RFC3: variants seen among roughly 807,000 people sequenced by gnomAD.
RFC3 encodes A1 38 kDa subunit.
Under a neutral mutation model 45.1 loss-of-function variants are expected in RFC3, and 41 were observed. That is an observed-to-expected ratio of 0.91 (90% CI 0.71 to 1.18). RFC3 has a LOEUF of 1.18. Among genes scored for constraint, RFC3 ranks in the 50% most tolerant of loss-of-function variants. The pLI is 0.00. For synonymous variants in RFC3, 149 were observed against 144.0 expected (o/e 1.03, Z -0.25); for missense variants, 423 against 428.1 (o/e 0.99, Z 0.10).
At chr13:33,840,820 G>C (rs2082192894), downstream of RFC3, among the ~76,000 whole-genome samples, 4 of 152,072 alleles carry the variant, frequency 2.6e-5, no homozygotes, top group South Asian at 8.3e-4. Flanking sequence ...AATATGTGTA[G>C]CTACTAGTCT....
chr13:33,881,626 C>T (rs1206945226), intron 8 of RFC3, among the ~76,000 whole-genome samples: 1 of 152,074 alleles, frequency 6.6e-6, no homozygotes, highest in East Asian at 1.9e-4. Flanking sequence ...GAGGGTCTAT[C>T]ATCATCAAGA....
chr13:33,902,174 T>C (rs1325600966), intron 8 of RFC3, among the ~76,000 whole-genome samples: 1 of 152,112 alleles, frequency 6.6e-6, no homozygotes, highest in Non-Finnish European at 1.5e-5. Flanking sequence ...TGGAGGCTGA[T>C]GGAATATGGT....
chr13:33,891,985 A>C (rs2082566813), intron 8 of RFC3, among the ~76,000 whole-genome samples: 1 of 152,170 alleles, frequency 6.6e-6, no homozygotes. Context: ...AGGAAAAAAA[A>C]CAGATTAGAT....
At chr13:33,893,945 G>C (rs1317153080) in intron 8 of RFC3, among the ~76,000 whole-genome samples, 1 of 152,040 alleles carries the variant, frequency 6.6e-6, no homozygotes, top group Non-Finnish European at 1.5e-5. Flanking sequence ...GCAAGGAGTA[G>C]AAAGGTTATT....
downstream of RFC3, among the ~76,000 whole-genome samples, chr13:33,969,993 ATG>A (rs975872352): frequency 4.0e-5 from 6 of 151,282 alleles, no homozygotes; most frequent in Non-Finnish European, 8.8e-5. Flanking sequence ...ATAGATAAAC[ATG>A]TGCCATGGTT....
intron 8 of RFC3, chr13:33,847,671 T>A (rs1315006580): frequency 1.3e-5 from 2 of 152,328 alleles, no homozygotes; most frequent in Middle Eastern, 3.4e-3. Context: ...TGTTTTCTGT[T>A]CATATTGCCT....
chr13:33,832,051 A>G (rs545601616), intron 7 of RFC3, among the ~76,000 whole-genome samples: 3 of 152,320 alleles, frequency 2.0e-5, no homozygotes, highest in East Asian at 3.9e-4. Context: ...CTGTAGGTCT[A>G]TTATTTGTAG....
intron 7 of RFC3, among the ~76,000 whole-genome samples, chr13:33,831,831 T>C (rs771558362): frequency 6.6e-6 from 1 of 152,200 alleles, no homozygotes; most frequent in Non-Finnish European, 1.5e-5. Context: ...AGTTTTATCT[T>C]CATTTGTATA....
chr13:33,908,757 T>G (rs9598278), intron 8 of RFC3, among the ~76,000 whole-genome samples: 1 of 151,950 alleles, frequency 6.6e-6, no homozygotes, highest in African/African-American at 2.4e-5. Flanking sequence ...AGATCCTGTT[T>G]AAGTCCAAAG....
rs531151611 is a variant in RFC3 at position 33,957,487 on chromosome 13, C to T, written c.880-8600C>T. Among the ~76,000 whole-genome samples the T allele has an allele frequency of 4.9e-4, 74 of 152,150 alleles. 1 individual carries two copies. Among genetic ancestry groups the T allele is most frequent in the African/African-American group, 1.8e-3 (73 of 41,512 alleles). ...AGCAGTGTGGTTGGTGTGCATTTTG[C>T]CCTGTTCCGTACCACTTATGACTAC... On this transcript the variant is annotated intron_variant, in intron 8 of 8. Transcript: ENST00000434425.
chr13:33,972,847 T>C, the RFC3 span, among the ~76,000 whole-genome samples: 1 of 152,338 alleles, frequency 6.6e-6, no homozygotes, highest in East Asian at 1.9e-4. Flanking sequence ...TATGACATTG[T>C]CGTAGGTACT....
chr13:33,823,105 T>C (rs1344498411), intron 2 of RFC3, among the ~76,000 whole-genome samples: 1 of 152,134 alleles, frequency 6.6e-6, no homozygotes, highest in Non-Finnish European at 1.5e-5. Flanking sequence ...TATTATATAC[T>C]CACCAAACTG....
intron 8 of RFC3, among the ~76,000 whole-genome samples, chr13:33,936,616 G>T (rs1723978782): frequency 6.6e-6 from 1 of 152,134 alleles, no homozygotes; most frequent in South Asian, 2.1e-4. Flanking sequence ...CTGGGGTGAT[G>T]CATCTGCAAG....
At chr13:33,879,589 A>C (rs1202680713) in intron 8 of RFC3, among the ~76,000 whole-genome samples, 2 of 152,228 alleles carry the variant, frequency 1.3e-5, no homozygotes, top group African/African-American at 4.8e-5. Context: ...ATACTTTTAC[A>C]ATCTACTTCC....
chr13:33,851,673 T>C (rs1022061728), intron 8 of RFC3, among the ~76,000 whole-genome samples: 1 of 152,116 alleles, frequency 6.6e-6, no homozygotes. Context: ...AATGGACCCA[T>C]GCAGTTCAAA....
At chr13:33,901,753 T>A (rs1215691496) in intron 8 of RFC3, among the ~76,000 whole-genome samples, 1 of 152,088 alleles carries the variant, frequency 6.6e-6, no homozygotes, top group Admixed American at 6.6e-5. Flanking sequence ...TACATTGATT[T>A]GATCTTTACA....
At chr13:33,831,116 GC>G (rs2082098860) in intron 6 of RFC3, 139 bp from the exon 7 acceptor site, 3 of 633,272 alleles carry the variant, frequency 4.7e-6, no homozygotes, top group Non-Finnish European at 8.5e-6. Flanking sequence ...TGGAACTCAG[GC>G]CATAATGCTG....
chr13:33,887,369 G>A (rs371522985), intron 8 of RFC3, among the ~76,000 whole-genome samples: 15,254 of 148,542 alleles, frequency 0.1, 1,322 homozygotes, highest in African/African-American at 0.27. Context: ...TTTGATTTGC[G>A]TTTCTCTGAT....
chr13:33,871,683 G>A (rs4941773), intron 8 of RFC3, among the ~76,000 whole-genome samples: 14,364 of 152,098 alleles, frequency 0.094, 1,286 homozygotes, highest in African/African-American at 0.21. Flanking sequence ...TTGCATTATC[G>A]CCTCTCCCAT....
Sources: gnomAD v4.1 joint callset for allele counts (sites outside exome capture counted in the v4.1 genomes callset) on GRCh38, gnomAD v4.1.1 for gene constraint, MANE v1.5 for transcripts, NCBI Gene and HGNC (gene_info 2026-07-23, HGNC 2026-07-21) for gene names.